C2orf49: variants seen among roughly 807,000 people sequenced by gnomAD.
C2orf49 encodes tRNA-splicing ligase complex subunit ASW.
Under a neutral mutation model 20.6 loss-of-function variants are expected in C2orf49, and 11 were observed. The observed-to-expected ratio is 0.53, with a 90% confidence interval of 0.34 to 0.88. The LOEUF (loss-of-function observed/expected upper bound fraction) is 0.88, where lower values mean the gene tolerates loss of function less well. Among genes scored for constraint, C2orf49 ranks in the 40% least tolerant of loss-of-function variants. C2orf49 has a pLI of 0.02. For synonymous variants in C2orf49, 134 were observed against 108.5 expected (o/e 1.24, Z -1.46); for missense variants, 289 against 274.2 (o/e 1.05, Z -0.38).
At chr2:105,340,041 A>T (rs1240870380) in intron 2 of C2orf49, among the ~76,000 whole-genome samples, 1 of 152,214 alleles carries the variant, frequency 6.6e-6, no homozygotes. Context: ...CTTAGTGAAA[A>T]ATGACATTTT....
Position 105,345,664 on chromosome 2 carries a change from A to G in C2orf49, c.*293A>G. The G allele has an allele frequency of 3.0e-6, 1 of 338,398 alleles. No individual in the cohort carries two copies. The allele number at this position is 338,398 out of a possible 1,614,324, so 21.0% of individuals were successfully genotyped here. ...AAATTATTAGCTACAAATGTGCTAT[A>G]AAGCATCCATTGAATTGGCCAGGCG... On this transcript the variant is annotated 3_prime_UTR_variant, in exon 4 of 4. Coordinates refer to ENST00000258457, the MANE Select transcript of C2orf49 (RefSeq NM_024093.3).
chr2:105,354,710 T>G, the C2orf49 span, among the ~76,000 whole-genome samples: 1 of 152,164 alleles, frequency 6.6e-6, no homozygotes, highest in African/African-American at 2.4e-5. Context: ...TCCTAAATAT[T>G]AAATATTATC....
Position 105,345,347 on chromosome 2 carries a change from G to A in C2orf49, c.675G>A (p.Lys225=), listed in dbSNP as rs1260367680. The A allele has an allele frequency of 1.2e-5, 19 of 1,613,272 alleles. No homozygotes were observed. Among genetic ancestry groups the A allele is most frequent in the Non-Finnish European group, 1.6e-5 (19 of 1,179,784 alleles). The change falls in exon 4 of 4, where the codon AAG becomes AAA. Residue 225 remains lysine (K), a synonymous_variant. Transcript: ENST00000258457. ...TGAAGCCCCCACAAGCAAAAAGGAA[G>A]ATACAACATGTTACTTGGCCCTGAA... ...NNLKPPQAKR[K]IQHVTWP is the part of the protein sequence containing the mutation.
the C2orf49 span, among the ~76,000 whole-genome samples, chr2:105,373,897 T>C: frequency 1.3e-5 from 2 of 152,214 alleles, no homozygotes; most frequent in East Asian, 3.8e-4. Context: ...ACTGCTGAAA[T>C]CAATTAAGAC....
the C2orf49 span, among the ~76,000 whole-genome samples, chr2:105,385,151 C>G: frequency 3.3e-5 from 5 of 152,194 alleles, no homozygotes; most frequent in Non-Finnish European, 2.9e-5. Context: ...CCAAAAGACA[C>G]AGGGCTGCAG....
At chr2:105,339,812 T>C in intron 2 of C2orf49, 63 bp downstream of exon 2, 1 of 1,358,614 alleles carries the variant, frequency 7.4e-7, no homozygotes, top group Non-Finnish European at 9.8e-7. Context: ...TATAAGTTAT[T>C]GATTTTTCCT....
At chr2:105,350,428 A>G (rs1340302659), downstream of C2orf49, among the ~76,000 whole-genome samples, 1 of 152,234 alleles carries the variant, frequency 6.6e-6, no homozygotes, top group African/African-American at 2.4e-5. Context: ...TCTAATACCA[A>G]TTGGAAGCTG....
At chr2:105,364,927 A>G in the C2orf49 span, among the ~76,000 whole-genome samples, 1 of 152,200 alleles carries the variant, frequency 6.6e-6, no homozygotes, top group Non-Finnish European at 1.5e-5. Context: ...ACCATAAATC[A>G]TGAAGCATCT....
the C2orf49 span, chr2:105,361,559 C>T: frequency 2.7e-5 from 21 of 769,810 alleles, no homozygotes; most frequent in Non-Finnish European, 3.5e-5. Context: ...ATGTGAATTT[C>T]TAGTGACTGG....
chr2:105,376,474 CA>C, the C2orf49 span: 1 of 152,210 alleles, frequency 6.6e-6, no homozygotes, highest in Non-Finnish European at 1.5e-5. Flanking sequence ...TTGAACAAAT[CA>C]TTAGAAGCCC....
At chr2:105,370,794 G>A in the C2orf49 span, among the ~76,000 whole-genome samples, 1 of 152,154 alleles carries the variant, frequency 6.6e-6, no homozygotes, top group African/African-American at 2.4e-5. Flanking sequence ...TGCCTTTGGT[G>A]CCCAGTCCGT....
In C2orf49 at chr2:105,342,878, A is replaced by AC; in HGVS notation, c.301dup (p.Leu101ProfsTer5). ...GCACTGTAGATGGGTTAAGGAAAAG[A>AC]CCCCTCATCGTATTTGATGGAAGTT... On this transcript the variant is annotated frameshift_variant, in exon 3 of 4. Transcript: ENST00000258457. LOFTEE classifies it high-confidence loss of function. 1.2e-6 allele frequency: 2 copies of AC among 1,614,048 alleles called. No individual in the cohort carries two copies. Among genetic ancestry groups the AC allele is most frequent in the Non-Finnish European group, 1.7e-6 (2 of 1,179,926 alleles).
the C2orf49 span, chr2:105,367,806 G>A: frequency 1.3e-6 from 2 of 1,497,798 alleles, no homozygotes; most frequent in Non-Finnish European, 1.8e-6. Context: ...CCAGCAATCT[G>A]CCTTCAGAGC....
chr2:105,354,386 C>T, the C2orf49 span, among the ~76,000 whole-genome samples: 13 of 152,104 alleles, frequency 8.5e-5, no homozygotes, highest in African/African-American at 3.1e-4. Context: ...ATACCCTGGC[C>T]AGGTGTGGTG....
At chr2:105,373,707 C>T in the C2orf49 span, 1 of 1,614,100 alleles carries the variant, frequency 6.2e-7, no homozygotes, top group Non-Finnish European at 8.5e-7. Context: ...AGGCTTCATG[C>T]CAGTGCCGGT....
the C2orf49 span, among the ~76,000 whole-genome samples, chr2:105,371,230 G>C: frequency 6.6e-6 from 1 of 152,140 alleles, no homozygotes; most frequent in Non-Finnish European, 1.5e-5. Flanking sequence ...TTGCCGTGAA[G>C]GTGTTTTTTA....
chr2:105,365,954 C>G, the C2orf49 span, among the ~76,000 whole-genome samples: 1 of 152,226 alleles, frequency 6.6e-6, no homozygotes, highest in Admixed American at 6.5e-5. Context: ...CCTGTAATCC[C>G]AGCACTTTGG....
chr2:105,344,298 G>T (rs1679751929), intron 3 of C2orf49, among the ~76,000 whole-genome samples: 1 of 152,140 alleles, frequency 6.6e-6, no homozygotes, highest in South Asian at 2.1e-4. Context: ...TGGGAGAGAG[G>T]AGGAAGGTGT....
At chr2:105,381,169 C>A in the C2orf49 span, among the ~76,000 whole-genome samples, 4 of 152,180 alleles carry the variant, frequency 2.6e-5, no homozygotes, top group Non-Finnish European at 5.9e-5. Flanking sequence ...CATACGATTT[C>A]ACTTCAGACA....
Sources: gnomAD v4.1 joint callset for allele counts (sites outside exome capture counted in the v4.1 genomes callset) on GRCh38, gnomAD v4.1.1 for gene constraint, MANE v1.5 for transcripts, NCBI Gene and HGNC (gene_info 2026-07-23, HGNC 2026-07-21) for gene names.